MYOF: variants seen among roughly 807,000 people sequenced by gnomAD.
The protein encoded by MYOF is myoferlin.
In MYOF, 244 loss-of-function variants were observed where a neutral mutation model predicts 284.2. The observed-to-expected ratio is 0.86, with a 90% CI of 0.77 to 0.95. MYOF has a LOEUF of 0.95. Ranked by LOEUF, MYOF falls within the 40% of genes least tolerant of loss-of-function variation. MYOF has a pLI of 0.00. For synonymous variants in MYOF, 904 were observed against 919.7 expected, an observed-to-expected ratio of 0.98 and a Z score of 0.31; for missense variants, 2,496 against 2,560.6, an observed-to-expected ratio of 0.97 and a Z score of 0.54.
chr10:93,343,810 T>C (rs1564634069), intron 38 of MYOF, 46 bp downstream of exon 38: 1 of 1,584,892 alleles, frequency 6.3e-7, no homozygotes, highest in Non-Finnish European at 8.7e-7. Context: ...CATCTAAGCA[T>C]AGAAGATAAA....
intron 3 of MYOF, among the ~76,000 whole-genome samples, chr10:93,445,563 G>C (rs1187752056): frequency 6.6e-6 from 1 of 152,222 alleles, no homozygotes; most frequent in East Asian, 1.9e-4. Context: ...CTGGTTGGAT[G>C]ACTGTAAAGT....
chr10:93,378,953 T>C (rs1216709024), intron 21 of MYOF, among the ~76,000 whole-genome samples: 1 of 151,906 alleles, frequency 6.6e-6, no homozygotes, highest in Non-Finnish European at 1.5e-5. Flanking sequence ...TGATCTCAAA[T>C]GATCTGCCCA....
At position 93,325,846 on chromosome 10, in the gene MYOF, A is replaced by G. The variant is rs762508968; in HGVS notation, c.5251T>C (p.Phe1751Leu). 1 of 1,613,702 alleles carries G rather than the reference A, an allele frequency of 6.2e-7. No individual in the cohort carries two copies. The highest frequency in any genetic ancestry group is 8.5e-7 in the Non-Finnish European group (1 of 1,179,858). Residue 1751 changes from phenylalanine to leucine, a missense_variant, in exon 46 of 54, where the codon TTC (phenylalanine) becomes CTC (leucine). Physicochemically the swap from Phe to Leu is conservative, Grantham distance 22. Coordinates refer to ENST00000359263, the MANE Select transcript of MYOF (RefSeq NM_013451.4). ...HVETRTLHSTFQPNISQGKLQ... is the reference protein window; with the variant it reads ...HVETRTLHSTLQPNISQGKLQ... ...TTTACCTGGGAAATGTTGGGCTGGA[A>G]GGTGCTGTGCAAAGTCCTTGTTTCC...
At chr10:93,379,074 C>G (rs886200482) in intron 21 of MYOF, among the ~76,000 whole-genome samples, 2 of 152,074 alleles carry the variant, frequency 1.3e-5, no homozygotes, top group African/African-American at 2.4e-5. Flanking sequence ...CCCTTCTCCT[C>G]ACCAATCTAG....
At chr10:93,383,167 G>C (rs1413884846) in intron 19 of MYOF, among the ~76,000 whole-genome samples, 4 of 152,108 alleles carry the variant, frequency 2.6e-5, no homozygotes, top group Non-Finnish European at 5.9e-5. Flanking sequence ...AAAGTGCTGG[G>C]ATTACAGGCA....
At chr10:93,357,257 TA>T (rs1226767027) in intron 29 of MYOF, among the ~76,000 whole-genome samples, 2 of 152,232 alleles carry the variant, frequency 1.3e-5, no homozygotes, top group African/African-American at 2.4e-5. Context: ...GGAAAAAAAT[TA>T]AATGCCCCCT....
intron 50 of MYOF, among the ~76,000 whole-genome samples, chr10:93,316,370 G>T (rs1842611649): frequency 6.6e-6 from 1 of 152,108 alleles, no homozygotes; most frequent in Non-Finnish European, 1.5e-5. Context: ...TTGGGAACAG[G>T]TTGAGGAGGG....
intron 3 of MYOF, among the ~76,000 whole-genome samples, chr10:93,444,218 A>G (rs1396154680): frequency 6.6e-6 from 1 of 152,224 alleles, no homozygotes; most frequent in Non-Finnish European, 1.5e-5. Flanking sequence ...AATGTCATCC[A>G]CGTAGGAGCA....
intron 33 of MYOF, 40 bp from the exon 34 acceptor site, chr10:93,351,611 TC>T: frequency 6.2e-7 from 1 of 1,605,342 alleles, no homozygotes; most frequent in Non-Finnish European, 8.5e-7. Context: ...CCGACAATCA[TC>T]CCTTCAAATC....
intron 31 of MYOF, 48 bp downstream of exon 31, chr10:93,355,580 G>GA (rs898707655): frequency 6.2e-6 from 6 of 973,758 alleles, no homozygotes; most frequent in Non-Finnish European, 9.1e-6. Context: ...ACTCAGTCTT[G>GA]AAAAAATAAA....
intron 28 of MYOF, among the ~76,000 whole-genome samples, chr10:93,360,701 T>C (rs1845028009): frequency 6.6e-6 from 1 of 152,182 alleles, no homozygotes; most frequent in East Asian, 1.9e-4. Context: ...AAGACAAATA[T>C]CAGAAGCTAT....
intron 16 of MYOF, among the ~76,000 whole-genome samples, chr10:93,393,853 A>G (rs1300267555): frequency 6.6e-6 from 1 of 152,164 alleles, no homozygotes; most frequent in Non-Finnish European, 1.5e-5. Flanking sequence ...TGACATCTAC[A>G]CTTTGTTCAG....
Position 93,389,156 on chromosome 10 carries a change from TGAGA to T in MYOF, c.1457-6_1457-3del. On this transcript the variant is annotated splice_polypyrimidine_tract_variant and splice_region_variant and intron_variant, in intron 17 of 53. Transcript: ENST00000359263. ...CTACCTCTGTTTCTCCTGTGTTTAC[TGAGA>T]GAGAAACATCATCATGAGGTGTTAG... 1 of 1,612,584 alleles carries T rather than the reference TGAGA, an allele frequency of 6.2e-7. No homozygotes were observed. The highest frequency in any genetic ancestry group is 8.5e-7 in the Non-Finnish European group (1 of 1,179,542).
At chr10:93,458,142 T>C (rs2134332938) in intron 1 of MYOF, among the ~76,000 whole-genome samples, 1 of 151,168 alleles carries the variant, frequency 6.6e-6, no homozygotes, top group Non-Finnish European at 1.5e-5. Context: ...TGTTTGAGCC[T>C]AGGAGTTCAA....
chr10:93,328,281 T>C (rs1843143730), intron 45 of MYOF, among the ~76,000 whole-genome samples: 1 of 152,176 alleles, frequency 6.6e-6, no homozygotes, highest in South Asian at 2.1e-4. Flanking sequence ...TAGCTGTTGA[T>C]GCGTCAGGAC....
intron 6 of MYOF, among the ~76,000 whole-genome samples, chr10:93,409,132 AG>A (rs1328135943): frequency 1.3e-5 from 2 of 152,184 alleles, no homozygotes; most frequent in African/African-American, 4.8e-5. Flanking sequence ...GAGCAGCTGT[AG>A]GGATGAAATC....
chr10:93,421,364 C>CAT (rs1415880782), intron 5 of MYOF, among the ~76,000 whole-genome samples: 2 of 152,160 alleles, frequency 1.3e-5, no homozygotes, highest in Non-Finnish European at 2.9e-5. Flanking sequence ...GTCTTATATT[C>CAT]CCCCAAGATT....
rs1842790673 is a variant in MYOF at position 93,320,102 on chromosome 10, C to T, written c.5457-89G>A. 1.1e-5 allele frequency: 16 copies of T among 1,477,184 alleles called. No homozygotes were observed. The South Asian group carries it at 1.8e-4, about 17-fold the overall frequency. 91.5% of individuals were successfully genotyped at this position (1,477,184 alleles called of 1,614,324 possible). A position where few individuals can be genotyped will look rare whatever the true frequency, so the allele number is the denominator to read the frequency against. ...GTGCAGTAATTAGGGGAGCAAAGAG[C>T]AGGAGAATTAATGCACTTTTCTTGG... On this transcript the variant is annotated intron_variant, in intron 48 of 53. Transcript: ENST00000359263.
intron 23 of MYOF, among the ~76,000 whole-genome samples, chr10:93,373,420 C>G (rs1845683688): frequency 6.6e-6 from 1 of 152,174 alleles, no homozygotes; most frequent in Non-Finnish European, 1.5e-5. Context: ...CAGCAGCAGT[C>G]AAAAGGTTAC....
Sources: allele counts gnomAD v4.1 joint callset (sites outside exome capture counted in the v4.1 genomes callset), GRCh38; gene constraint gnomAD v4.1.1; transcripts MANE v1.5; gene names NCBI Gene and HGNC (gene_info 2026-07-23, HGNC 2026-07-21).